Variants in TECR observed in about 807,000 individuals in gnomAD.
TECR encodes the protein very-long-chain enoyl-CoA reductase.
A neutral mutation model predicts 50.6 loss-of-function variants in TECR; 19 were observed. That is an observed-to-expected ratio of 0.38 (90% confidence interval 0.26 to 0.55). The LOEUF is 0.55. Among genes scored for constraint, TECR ranks in the 20% least tolerant of loss-of-function variants. The pLI is 0.79. For synonymous variants in TECR, 168 were observed against 163.5 expected, an observed-to-expected ratio of 1.03 and a Z score of -0.21; for missense variants, 313 against 408.3, an observed-to-expected ratio of 0.77 and a Z score of 2.01.
At chr19:14,542,360 T>C (rs1288191702) in intron 1 of TECR, among the ~76,000 whole-genome samples, 1 of 128,354 alleles carries the variant, frequency 7.8e-6, no homozygotes, top group Non-Finnish European at 1.7e-5. Context: ...TTTTTTTTTT[T>C]TTTTTTTTTT....
Position 14,539,358 on chromosome 19 carries a change from A to G in TECR, c.15+9647A>G, listed in dbSNP as rs550686255. Reference sequence around the variant, plus strand: ...ATGGGAAGACCCTTGGGGAAGTCACACCACACTCAGAGCCCACTTTTTAAC... The same window carrying G: ...ATGGGAAGACCCTTGGGGAAGTCACGCCACACTCAGAGCCCACTTTTTAAC... On this transcript the variant is annotated intron_variant, in intron 1 of 12. Transcript: ENST00000215567. 2.2e-4 allele frequency among the ~76,000 whole-genome samples: 34 copies of G among 151,888 alleles called. 1 individual carries two copies. In the South Asian group the frequency reaches 7.1e-3, roughly 32 times the overall value.
intron 1 of TECR, among the ~76,000 whole-genome samples, chr19:14,536,206 T>C (rs1043531935): frequency 2.0e-5 from 3 of 152,004 alleles, no homozygotes; most frequent in Admixed American, 1.3e-4. Context: ...TAGGCTCATA[T>C]GCTTAACTGC....
At chr19:14,557,318 T>C (rs1363322795) in intron 1 of TECR, among the ~76,000 whole-genome samples, 1 of 151,074 alleles carries the variant, frequency 6.6e-6, no homozygotes, top group Non-Finnish European at 1.5e-5. Context: ...TTTTTGTATT[T>C]TTATTAGAGA....
chr19:14,565,483 C>G, intron 11 of TECR, 135 bp from the exon 12 acceptor site: 1 of 1,434,812 alleles, frequency 7.0e-7, no homozygotes, highest in Non-Finnish European at 9.5e-7. Context: ...CGTATACAGC[C>G]CCGCCTCCGC....
intron 1 of TECR, among the ~76,000 whole-genome samples, chr19:14,544,497 C>T (rs1025392778): frequency 1.3e-5 from 2 of 152,018 alleles, no homozygotes; most frequent in South Asian, 2.1e-4. Context: ...TCGGGGTGTG[C>T]GGCCATTCTA....
At chr19:14,542,713 G>A (rs55642076) in intron 1 of TECR, among the ~76,000 whole-genome samples, 1 of 152,110 alleles carries the variant, frequency 6.6e-6, no homozygotes, top group African/African-American at 2.4e-5. Flanking sequence ...CTTATTCTGA[G>A]AAGTGTACCG....
chr19:14,547,280 C>A (rs764962445), intron 1 of TECR, among the ~76,000 whole-genome samples: 17 of 152,308 alleles, frequency 1.1e-4, no homozygotes, highest in Non-Finnish European at 2.1e-4. Flanking sequence ...GAAATGACAT[C>A]TTTTGCAACT....
chr19:14,546,284 C>G (rs1489407068), intron 1 of TECR, among the ~76,000 whole-genome samples: 1 of 147,362 alleles, frequency 6.8e-6, no homozygotes, highest in Non-Finnish European at 1.5e-5. Flanking sequence ...TTTTTTTTTG[C>G]TCTGAGAAAA....
At chr19:14,565,424 C>T (rs1317195897) in intron 11 of TECR, 134 bp downstream of exon 11, 4 of 1,366,258 alleles carry the variant, frequency 2.9e-6, no homozygotes, top group Non-Finnish European at 2.0e-6. Flanking sequence ...GTGGAGACCG[C>T]GGCCTCTCTG....
chr19:14,541,033 C>T (rs113417566), intron 1 of TECR, among the ~76,000 whole-genome samples: 31,404 of 152,030 alleles, frequency 0.21, 3,557 homozygotes, highest in South Asian at 0.41. Flanking sequence ...ACCATGTGGG[C>T]CAGGCTGATC....
At chr19:14,547,061 G>T (rs542917825) in intron 1 of TECR, among the ~76,000 whole-genome samples, 105 of 152,222 alleles carry the variant, frequency 6.9e-4, no homozygotes, top group Non-Finnish European at 1.3e-3. Context: ...TCATAAACAT[G>T]TATTATAATA....
At chr19:14,545,808 G>A (rs1452494681) in intron 1 of TECR, 2 of 152,966 alleles carry the variant, frequency 1.3e-5, no homozygotes, top group African/African-American at 4.8e-5. Context: ...AAGGGCTGCG[G>A]CTTGGGAAAG....
At chr19:14,538,977 T>C (rs2073001956) in intron 1 of TECR, among the ~76,000 whole-genome samples, 2 of 139,750 alleles carry the variant, frequency 1.4e-5, no homozygotes, top group Non-Finnish European at 3.1e-5. Context: ...GCAAGTCACA[T>C]TTTTTTTTTT....
At chr19:14,533,897 TA>T (rs1164604326) in intron 1 of TECR, 2 of 152,136 alleles carry the variant, frequency 1.3e-5, no homozygotes, top group Admixed American at 6.6e-5. Flanking sequence ...TTTTTTAATG[TA>T]TTTTTTTATT....
At chr19:14,543,102 C>T (rs1382620804) in intron 1 of TECR, among the ~76,000 whole-genome samples, 2 of 149,356 alleles carry the variant, frequency 1.3e-5, no homozygotes, top group Admixed American at 6.8e-5. Context: ...GGGAAGTTAA[C>T]ACAAGCCCTG....
chr19:14,565,741 C>T lies in TECR; in HGVS notation c.800-3C>T, dbSNP rs1568434347. 4 of 1,612,362 alleles carry T rather than the reference C, an allele frequency of 2.5e-6. No homozygotes were observed. In the Admixed American group the frequency reaches 6.7e-5, roughly 27 times the overall value. On this transcript the variant is annotated splice_region_variant and splice_polypyrimidine_tract_variant and intron_variant, in intron 12 of 12. Transcript: ENST00000215567. ...CCTCCCTGACGCCCGTTCTTTCCTG[C>T]AGTGGCCCTGTTCTCCCTGGTGGGC...
chr19:14,543,680 C>T lies in TECR; in HGVS notation c.15+13969C>T, dbSNP rs978925944. Among the ~76,000 whole-genome samples the T allele has an allele frequency of 1.8e-3, 270 of 149,640 alleles. 2 individuals carry two copies. Among genetic ancestry groups the T allele is most frequent in the African/African-American group, 6.2e-3 (251 of 40,786 alleles). On this transcript the variant is annotated intron_variant, in intron 1 of 12. Coordinates refer to ENST00000215567, the MANE Select transcript of TECR (RefSeq NM_138501.6). ...GTCTCGATCTCCTGACCTCGTGATCCTCCCGCCTCGGCCTCCCAAAGTGCT... is the reference window on the plus strand; with the variant it reads ...GTCTCGATCTCCTGACCTCGTGATCTTCCCGCCTCGGCCTCCCAAAGTGCT...
intron 1 of TECR, among the ~76,000 whole-genome samples, chr19:14,549,315 C>G (rs900877369): frequency 3.3e-5 from 5 of 149,856 alleles, no homozygotes; most frequent in African/African-American, 1.2e-4. Flanking sequence ...CGGGTTCAAG[C>G]AGTTCTCCTG....
chr19:14,550,575 C>T (rs1055098946), intron 1 of TECR, among the ~76,000 whole-genome samples: 1 of 152,168 alleles, frequency 6.6e-6, no homozygotes, highest in African/African-American at 2.4e-5. Flanking sequence ...TGCAGGGATG[C>T]AGTTCTGGAC....
Sources: allele counts gnomAD v4.1 joint callset (sites outside exome capture counted in the v4.1 genomes callset), GRCh38; gene constraint gnomAD v4.1.1; transcripts MANE v1.5; gene names NCBI Gene and HGNC (gene_info 2026-07-23, HGNC 2026-07-21).